Variants in NKAIN2 observed in about 807,000 individuals in gnomAD.
NKAIN2 encodes sodium/potassium-transporting ATPase subunit beta-1-interacting protein 2.
NKAIN2 carries 14 observed loss-of-function variants against 32.6 expected under a neutral mutation model. The ratio of observed to expected loss-of-function variants is 0.43; its 90% CI spans 0.28 to 0.67. NKAIN2 has a LOEUF of 0.67. Ranked by LOEUF, NKAIN2 falls within the 30% of genes least tolerant of loss-of-function variation. The pLI is 0.17. For synonymous variants in NKAIN2, 80 were observed against 87.2 expected, an observed-to-expected ratio of 0.92 and a Z score of 0.46; for missense variants, 198 against 258.3, an observed-to-expected ratio of 0.77 and a Z score of 1.60.
At chr6:124,331,373 A>C (rs896457275) in intron 2 of NKAIN2, among the ~76,000 whole-genome samples, 3 of 145,740 alleles carry the variant, frequency 2.1e-5, no homozygotes, top group South Asian at 2.2e-4. Flanking sequence ...AAAAAAAAAA[A>C]AAAAAACTAG....
intron 3 of NKAIN2, among the ~76,000 whole-genome samples, chr6:124,427,228 A>G (rs1775020555): frequency 6.6e-6 from 1 of 152,230 alleles, no homozygotes; most frequent in Admixed American, 6.5e-5. Context: ...ATAACAGTTT[A>G]TTTGTAATAG....
intron 3 of NKAIN2, among the ~76,000 whole-genome samples, chr6:124,522,949 C>A (rs1331782557): frequency 6.7e-6 from 1 of 150,276 alleles, no homozygotes; most frequent in Non-Finnish European, 1.5e-5. Flanking sequence ...CGAGACCATC[C>A]CGGCTAAAAC....
chr6:124,381,552 A>G (rs1364140398), intron 3 of NKAIN2, among the ~76,000 whole-genome samples: 4 of 152,076 alleles, frequency 2.6e-5, no homozygotes, highest in African/African-American at 9.7e-5. Flanking sequence ...ACTATAACCT[A>G]ACTAATGCAA....
chr6:123,994,911 C>G lies in NKAIN2; in HGVS notation c.54+190657C>G, dbSNP rs1466253969. On this transcript the variant is annotated intron_variant, in intron 1 of 6. Coordinates refer to ENST00000368417, the MANE Select transcript of NKAIN2 (RefSeq NM_001040214.3). ...AGGAAACTTTGTGCTCTGCTGTTAC[C>G]TTGTATTATGGCATATATGAGGGGG... Among the ~76,000 whole-genome samples, 9 of 152,260 alleles carry G rather than the reference C, an allele frequency of 5.9e-5. No homozygotes were observed. In the South Asian group the frequency reaches 1.5e-3, roughly 25 times the overall value.
At chr6:124,173,113 C>T (rs774713305) in intron 1 of NKAIN2, among the ~76,000 whole-genome samples, 7 of 152,042 alleles carry the variant, frequency 4.6e-5, no homozygotes, top group Non-Finnish European at 8.8e-5. Context: ...TGATGGTAAT[C>T]TACTCCTGAA....
chr6:124,067,046 A>G (rs1783223988), intron 1 of NKAIN2, among the ~76,000 whole-genome samples: 1 of 152,098 alleles, frequency 6.6e-6, no homozygotes, highest in Non-Finnish European at 1.5e-5. Flanking sequence ...GTATCTTGTA[A>G]TGGGCATTTT....
At chr6:123,820,792 C>T (rs758744574) in intron 1 of NKAIN2, among the ~76,000 whole-genome samples, 5 of 152,128 alleles carry the variant, frequency 3.3e-5, no homozygotes, top group Non-Finnish European at 7.3e-5. Flanking sequence ...TAGCCGTACC[C>T]CTCAATGCTT....
intron 2 of NKAIN2, among the ~76,000 whole-genome samples, chr6:124,306,597 G>A (rs1796513479): frequency 1.3e-5 from 2 of 152,184 alleles, no homozygotes; most frequent in South Asian, 4.1e-4. Flanking sequence ...TTTATATGCT[G>A]AGGTCTTAAA....
intron 1 of NKAIN2, among the ~76,000 whole-genome samples, chr6:123,939,730 A>G (rs1376143803): frequency 6.6e-6 from 1 of 151,966 alleles, no homozygotes; most frequent in African/African-American, 2.4e-5. Flanking sequence ...CTTAGTTCCT[A>G]TGAAGATGAA....
chr6:123,919,208 A>T (rs1397813583), intron 1 of NKAIN2, among the ~76,000 whole-genome samples: 1 of 152,128 alleles, frequency 6.6e-6, no homozygotes, highest in Non-Finnish European at 1.5e-5. Flanking sequence ...ATATATCATA[A>T]ACATATATAT....
At chr6:124,128,545 A>G (rs569347464) in intron 1 of NKAIN2, among the ~76,000 whole-genome samples, 2 of 152,254 alleles carry the variant, frequency 1.3e-5, no homozygotes, top group African/African-American at 4.8e-5. Flanking sequence ...TAATAATCAC[A>G]AGGATTAAGC....
intron 1 of NKAIN2, among the ~76,000 whole-genome samples, chr6:123,914,356 G>A (rs997184678): frequency 6.6e-6 from 1 of 151,888 alleles, no homozygotes; most frequent in African/African-American, 2.4e-5. Context: ...ATGTCGGGAG[G>A]AAGCCAGGGA....
intron 1 of NKAIN2, among the ~76,000 whole-genome samples, chr6:124,023,937 T>C (rs969458282): frequency 6.6e-6 from 1 of 152,108 alleles, no homozygotes; most frequent in Non-Finnish European, 1.5e-5. Context: ...ATAGGATTGA[T>C]ATAGAAAAAT....
At chr6:124,107,107 A>G (rs1034645435) in intron 1 of NKAIN2, among the ~76,000 whole-genome samples, 1 of 152,070 alleles carries the variant, frequency 6.6e-6, no homozygotes, top group Non-Finnish European at 1.5e-5. Flanking sequence ...CATTATTTAG[A>G]TATATGGGGG....
intron 4 of NKAIN2, among the ~76,000 whole-genome samples, chr6:124,703,539 G>A (rs562771801): frequency 5.9e-5 from 9 of 152,014 alleles, no homozygotes; most frequent in African/African-American, 1.2e-4. Flanking sequence ...TTTTTAGTCT[G>A]TGGTACTGTA....
chr6:124,717,260 TCTC>T lies in NKAIN2; in HGVS notation c.474+58878_474+58880del, dbSNP rs879349679. ...TGTAGCACTATTAAGTGTTAATTAC[TCTC>T]CTCTTCATAGGTTGTCACTTTATAT... is the stretch of plus-strand genomic sequence containing the variant. On this transcript the variant is annotated intron_variant, in intron 4 of 6. Transcript: ENST00000368417. Among the ~76,000 whole-genome samples the T allele has an allele frequency of 1.5e-4, 23 of 152,328 alleles. 1 individual carries two copies. Among genetic ancestry groups the T allele is most frequent in the Middle Eastern group, 6.8e-3 (2 of 294 alleles).
intron 1 of NKAIN2, among the ~76,000 whole-genome samples, chr6:124,096,858 CAA>C (rs60102766): frequency 7.8e-5 from 8 of 102,534 alleles, no homozygotes; most frequent in Admixed American, 1.2e-4. Context: ...ACTCCGTCTC[CAA>C]AAAAAAAAAA....
At chr6:124,470,341 G>T (rs368000476) in intron 3 of NKAIN2, among the ~76,000 whole-genome samples, 16 of 152,172 alleles carry the variant, frequency 1.1e-4, no homozygotes, top group African/African-American at 3.9e-4. Flanking sequence ...TTCAAGCAGG[G>T]TGGTGACATG....
At chr6:124,148,136 C>A (rs1037028182) in intron 1 of NKAIN2, among the ~76,000 whole-genome samples, 4 of 151,966 alleles carry the variant, frequency 2.6e-5, no homozygotes, top group African/African-American at 9.7e-5. Context: ...TTTTTTTAAA[C>A]ATTCAGGAAA....
Sources: allele counts gnomAD v4.1 joint callset (sites outside exome capture counted in the v4.1 genomes callset), GRCh38; gene constraint gnomAD v4.1.1; transcripts MANE v1.5; gene names NCBI Gene and HGNC (gene_info 2026-07-23, HGNC 2026-07-21).